The following IGSF10 variants were observed in gnomAD, a reference collection of about 807,000 sequenced individuals.
IGSF10 encodes immunoglobulin superfamily member 10.
In IGSF10, 126 loss-of-function variants were observed where a neutral mutation model predicts 128.2. The observed-to-expected ratio is 0.98, with a 90% CI of 0.85 to 1.14. IGSF10 has a LOEUF of 1.14. IGSF10 is among the 50% of genes most tolerant of loss of function. IGSF10 has a pLI of 0.00. For synonymous variants in IGSF10, 1,185 were observed against 1,146.2 expected (o/e 1.03, Z -0.68); for missense variants, 3,295 against 3,149.8 (o/e 1.05, Z -1.10).
At position 151,437,280 on chromosome 3, in the gene IGSF10, T is replaced by A. The variant is rs753847419; in HGVS notation, c.7281A>T (p.Glu2427Asp). 6.2e-7 allele frequency: 1 copy of A among 1,614,192 alleles called. No individual in the cohort carries two copies. Among genetic ancestry groups the A allele is most frequent in the South Asian group, 1.1e-5 (1 of 91,088 alleles). ...TAAGAATAACTGGCTTCTGGCCAAT[T>A]TCTAATATGACTAATTTCTCAATAT... ...VGYIEKLVILEIGQKPVILTY... is the reference protein window; with the variant it reads ...VGYIEKLVILDIGQKPVILTY... Residue 2427 changes from glutamate to aspartate, a missense_variant, in exon 8 of 8, where the codon GAA becomes GAT. Physicochemically the swap from Glu to Asp is conservative, Grantham distance 45. Transcript: ENST00000282466.
rs140860443 is a variant in IGSF10 at position 151,447,581 on chromosome 3, G to A, written c.2400C>T (p.Leu800=). 2.7e-4 allele frequency: 437 copies of A among 1,614,132 alleles called. No individual in the cohort carries two copies. The highest frequency in any genetic ancestry group is 3.4e-4 in the Non-Finnish European group (399 of 1,180,032). Residue 800 remains leucine, a synonymous_variant, in exon 6 of 8, where the codon CTC becomes CTT. Transcript: ENST00000282466. ...PGEEDDSSGM[L]ALHEEFMVPA... ...GGACCATAAATTCCTCATGTAGAGC[G>A]AGCATGCCTGAGGAATCGTCTTCTT...
At chr3:151,525,511 GTACTC>G in the IGSF10 span, among the ~76,000 whole-genome samples, 1 of 73,598 alleles carries the variant, frequency 1.4e-5, no homozygotes, top group Non-Finnish European at 3.7e-5. Flanking sequence ...CCAGTAGTCT[GTACTC>G]TATTAAGGTC....
chr3:151,577,110 T>C, the IGSF10 span, among the ~76,000 whole-genome samples: 2 of 152,334 alleles, frequency 1.3e-5, no homozygotes, highest in African/African-American at 4.8e-5. Context: ...ATTCTGTCCA[T>C]ATATTTATGT....
At chr3:151,435,433 A>T (rs1027194968), downstream of IGSF10, 4 of 152,164 alleles carry the variant, frequency 2.6e-5, no homozygotes, top group African/African-American at 9.7e-5. Flanking sequence ...ATCAGACATA[A>T]GTTGCAACCA....
At chr3:151,521,065 T>A in the IGSF10 span, among the ~76,000 whole-genome samples, 1 of 151,732 alleles carries the variant, frequency 6.6e-6, no homozygotes, top group Admixed American at 6.6e-5. Flanking sequence ...AACAAAAAAA[T>A]CAGGGGTTAT....
chr3:151,460,976 C>T lies in IGSF10; in HGVS notation c.-119G>A. 1 of 985,406 alleles carries T rather than the reference C, an allele frequency of 1.0e-6. No homozygotes were observed. Among genetic ancestry groups the T allele is most frequent in the Non-Finnish European group, 1.2e-6 (1 of 829,920 alleles). 61.0% of individuals were successfully genotyped at this position (985,406 alleles called of 1,614,324 possible). On this transcript the variant is annotated 5_prime_UTR_variant, in exon 1 of 8. Coordinates refer to ENST00000282466, the MANE Select transcript of IGSF10 (RefSeq NM_178822.5). ...TGCCCTGGTGACCAATGGGCTCGAG[C>T]TGCCCGGGCTAGGTCCCGGGCTCGG... is the stretch of plus-strand genomic sequence containing the variant.
the IGSF10 span, among the ~76,000 whole-genome samples, chr3:151,487,655 T>G: frequency 6.6e-6 from 1 of 152,224 alleles, no homozygotes; most frequent in Non-Finnish European, 1.5e-5. Flanking sequence ...GCTTCATCCC[T>G]GGGATGCAAG....
Position 151,437,623 on chromosome 3 carries a change from C to CAGAT in IGSF10, c.6934_6937dup (p.Cys2313TyrfsTer7), listed in dbSNP as rs764073002. The stretch of plus-strand genomic sequence containing the variant: ...CTCTCCACCTTCATTTCGGGCCACA[C>CAGAT]AGATAAAGTCGGCTGAATCTGAAAG... On this transcript the variant is annotated frameshift_variant, in exon 8 of 8. Coordinates refer to ENST00000282466, the MANE Select transcript of IGSF10 (RefSeq NM_178822.5). LOFTEE classifies it low-confidence loss of function (END_TRUNC). The CAGAT allele has an allele frequency of 3.7e-6, 6 of 1,614,190 alleles. No individual in the cohort carries two copies. In the South Asian group the frequency reaches 4.4e-5, roughly 12 times the overall value.
chr3:151,587,108 A>C, the IGSF10 span, among the ~76,000 whole-genome samples: 2 of 152,118 alleles, frequency 1.3e-5, no homozygotes, highest in Non-Finnish European at 2.9e-5. Context: ...AACAAAAAAA[A>C]ACCTCACAAC....
the IGSF10 span, among the ~76,000 whole-genome samples, chr3:151,521,682 T>C: frequency 6.6e-6 from 1 of 152,038 alleles, no homozygotes; most frequent in South Asian, 2.1e-4. Flanking sequence ...AGATACAACA[T>C]AGCAAAATCT....
At chr3:151,545,241 C>T in the IGSF10 span, among the ~76,000 whole-genome samples, 1 of 152,082 alleles carries the variant, frequency 6.6e-6, no homozygotes, top group Non-Finnish European at 1.5e-5. Flanking sequence ...AAACACCTGG[C>T]AATGCTTGGC....
At chr3:151,581,871 G>A in the IGSF10 span, among the ~76,000 whole-genome samples, 3 of 152,110 alleles carry the variant, frequency 2.0e-5, no homozygotes, top group Non-Finnish European at 2.9e-5. Context: ...AGGAGTTTGA[G>A]ACCAGGCAGG....
chr3:151,525,336 A>C, the IGSF10 span, among the ~76,000 whole-genome samples: 24 of 152,234 alleles, frequency 1.6e-4, no homozygotes, highest in South Asian at 4.8e-3. Flanking sequence ...TTTAGTTGCC[A>C]CTCTGAATTC....
the IGSF10 span, among the ~76,000 whole-genome samples, chr3:151,589,065 A>C: frequency 6.6e-6 from 1 of 152,210 alleles, no homozygotes; most frequent in African/African-American, 2.4e-5. Context: ...AGTTATATAA[A>C]ATAAATGACA....
chr3:151,610,281 T>C, the IGSF10 span, among the ~76,000 whole-genome samples: 4 of 152,182 alleles, frequency 2.6e-5, no homozygotes, highest in Non-Finnish European at 2.9e-5. Context: ...CATTCAAATA[T>C]TGATAGAACA....
downstream of IGSF10, chr3:151,435,062 CTTTTTTTTTT>C (rs66791814): frequency 8.4e-6 from 1 of 119,080 alleles, no homozygotes; most frequent in Non-Finnish European, 1.7e-5. Flanking sequence ...TGAGAGGTTT[CTTTTTTTTTT>C]TTTTTTTTTT....
upstream of IGSF10, among the ~76,000 whole-genome samples, chr3:151,462,911 G>A (rs1447281416): frequency 1.3e-5 from 2 of 152,112 alleles, no homozygotes; most frequent in Non-Finnish European, 2.9e-5. Flanking sequence ...CATATTTGTC[G>A]GGTTTTGGCA....
chr3:151,547,392 TCTC>T, the IGSF10 span, among the ~76,000 whole-genome samples: 1 of 150,262 alleles, frequency 6.7e-6, no homozygotes, highest in Non-Finnish European at 1.5e-5. Flanking sequence ...TTTTGACTCC[TCTC>T]CTTAGTTTTC....
chr3:151,518,407 C>G, the IGSF10 span, among the ~76,000 whole-genome samples: 1 of 151,984 alleles, frequency 6.6e-6, no homozygotes, highest in Non-Finnish European at 1.5e-5. Flanking sequence ...ATGAATTGTT[C>G]TTTGCTCAAT....
Sources: gnomAD v4.1 joint callset for allele counts (sites outside exome capture counted in the v4.1 genomes callset) on GRCh38, gnomAD v4.1.1 for gene constraint, MANE v1.5 for transcripts, NCBI Gene and HGNC (gene_info 2026-07-23, HGNC 2026-07-21) for gene names.